ODAD2: variants seen among roughly 807,000 people sequenced by gnomAD.
The protein encoded by ODAD2 is outer dynein arm-docking complex subunit 2.
ODAD2 carries 89 observed loss-of-function variants against 106.8 expected under a neutral mutation model. The ratio of observed to expected loss-of-function variants is 0.83; its 90% CI spans 0.70 to 0.99. The LOEUF (loss-of-function observed/expected upper bound fraction) is 0.99, where lower values mean the gene tolerates loss of function less well. ODAD2 is among the 50% of genes least tolerant of loss of function. ODAD2 has a pLI of 0.00. For synonymous variants in ODAD2, 404 were observed against 436.2 expected, an observed-to-expected ratio of 0.93 and a Z score of 0.92; for missense variants, 1,168 against 1,238.5, an observed-to-expected ratio of 0.94 and a Z score of 0.85.
chr10:27,831,250 G>A (rs1263135224), intron 19 of ODAD2, among the ~76,000 whole-genome samples: 1 of 152,144 alleles, frequency 6.6e-6, no homozygotes, highest in African/African-American at 2.4e-5. Flanking sequence ...TAATTCAAAT[G>A]CTCTATGAAT....
chr10:27,915,205 C>T (rs928115165), intron 16 of ODAD2, among the ~76,000 whole-genome samples: 1 of 152,086 alleles, frequency 6.6e-6, no homozygotes, highest in Admixed American at 6.6e-5. Context: ...ATCTTAAAAG[C>T]AACCAAAGAA....
At chr10:27,951,040 T>G (rs1181222422) in intron 10 of ODAD2, among the ~76,000 whole-genome samples, 3 of 152,150 alleles carry the variant, frequency 2.0e-5, no homozygotes, top group Non-Finnish European at 4.4e-5. Context: ...AATAAAAATA[T>G]CTATGACTAA....
At position 27,878,702 on chromosome 10, in the gene ODAD2, G is replaced by A. The variant is rs189195977; in HGVS notation, c.2611-16080C>T. Among the ~76,000 whole-genome samples the A allele has an allele frequency of 1.6e-4, 24 of 152,020 alleles. No homozygotes were observed. In the South Asian group the frequency reaches 1.9e-3, roughly 12 times the overall value. ...CATGTCAGAGAAGTGAAAACTGAAC[G>A]GGCAAATCTTGTCGTCAAAAGTATA... On this transcript the variant is annotated intron_variant, in intron 17 of 19. Coordinates refer to ENST00000305242, the MANE Select transcript of ODAD2 (RefSeq NM_018076.5).
chr10:27,958,049 T>G, intron 10 of ODAD2, among the ~76,000 whole-genome samples: 1 of 152,254 alleles, frequency 6.6e-6, no homozygotes, highest in East Asian at 1.9e-4. Flanking sequence ...TGTGTCTCCA[T>G]ATAAAATATT....
chr10:27,992,099 A>G (rs1373835537), intron 2 of ODAD2, among the ~76,000 whole-genome samples: 7 of 152,210 alleles, frequency 4.6e-5, no homozygotes, highest in Non-Finnish European at 8.8e-5. Context: ...TGGATGTTAA[A>G]GCATCTGGTA....
At position 27,824,002 on chromosome 10, in the gene ODAD2, A is replaced by T. The variant is rs1343542836; in HGVS notation, c.3022-11377T>A. Among the ~76,000 whole-genome samples the T allele has an allele frequency of 2.9e-5, 4 of 137,892 alleles. 1 individual carries two copies. The highest frequency in any genetic ancestry group is 6.0e-5 in the Non-Finnish European group (4 of 66,632). The allele number at this position is 137,892 out of a possible 152,430, so 90.5% of individuals were successfully genotyped here. A position where few individuals can be genotyped will look rare whatever the true frequency, so the allele number is the denominator to read the frequency against. ...AAAAATACAAAAAATTAGCCGGGCGAGGTGGCGGGCGCCTGTAGTCCCAGC... is the reference window on the plus strand; with the variant it reads ...AAAAATACAAAAAATTAGCCGGGCGTGGTGGCGGGCGCCTGTAGTCCCAGC... On this transcript the variant is annotated intron_variant, in intron 19 of 19. Transcript: ENST00000305242.
At position 27,922,531 on chromosome 10, in the gene ODAD2, A is replaced by T. The variant is rs183770045; in HGVS notation, c.2495+12479T>A. 3.9e-3 allele frequency among the ~76,000 whole-genome samples: 591 copies of T among 152,298 alleles called. 3 individuals carry two copies. The highest frequency in any genetic ancestry group is 0.014 in the African/African-American group (575 of 41,574). On this transcript the variant is annotated intron_variant, in intron 16 of 19. Coordinates refer to ENST00000305242, the MANE Select transcript of ODAD2 (RefSeq NM_018076.5). The stretch of plus-strand genomic sequence containing the variant: ...AAATGGGAGGAAAAGGAAGGGAGAA[A>T]AAGAAAAATAGAATGATCCTATTGA...
Position 27,919,107 on chromosome 10 carries a change from T to C in ODAD2, c.2496-11330A>G, listed in dbSNP as rs560278309. Among the ~76,000 whole-genome samples the C allele has an allele frequency of 2.0e-5, 3 of 152,090 alleles. No homozygotes were observed. In the South Asian group the frequency reaches 6.2e-4, roughly 32 times the overall value. On this transcript the variant is annotated intron_variant, in intron 16 of 19. Transcript: ENST00000305242. ...ATTGGCAGTCTCAATATCATTAAGA[T>C]TTCCATTTTCCTTAAATTAGTTCAG... is the stretch of plus-strand genomic sequence containing the variant.
At position 27,940,651 on chromosome 10, in the gene ODAD2, C is replaced by T; in HGVS notation, c.1898G>A (p.Gly633Asp). The T allele has an allele frequency of 6.2e-7, 1 of 1,614,098 alleles. No homozygotes were observed. Among genetic ancestry groups the T allele is most frequent in the African/African-American group, 1.3e-5 (1 of 75,034 alleles). ...CAGCAGCCGAGCCAACAGAGGAATG[C>T]CCCCAGCTTTGCGGATGGCTTCTTT... ...TNKEAIRKAGGIPLLARLLKT... is the reference protein window; with the variant it reads ...TNKEAIRKAGDIPLLARLLKT... The change falls in exon 13 of 20, where the codon GGC becomes GAC. Residue 633 changes from glycine (G) to aspartate (D), a missense_variant. Around this residue, in one of 3 missense-constraint regions of ODAD2, gnomAD observed 701 missense variants for 712.3 expected, o/e 0.98. Transcript: ENST00000305242.
intron 16 of ODAD2, among the ~76,000 whole-genome samples, chr10:27,920,728 C>T (rs556089542): frequency 1.3e-5 from 2 of 152,012 alleles, no homozygotes; most frequent in East Asian, 1.9e-4. Flanking sequence ...TGAAAGGTCA[C>T]GAAGACTTGT....
At chr10:27,890,637 G>A (rs1842495021) in intron 17 of ODAD2, among the ~76,000 whole-genome samples, 1 of 152,028 alleles carries the variant, frequency 6.6e-6, no homozygotes, top group African/African-American at 2.4e-5. Flanking sequence ...GAGATAGGGA[G>A]GAGAAAGGAA....
intron 19 of ODAD2, among the ~76,000 whole-genome samples, chr10:27,854,408 T>C (rs1178962753): frequency 6.6e-6 from 1 of 152,234 alleles, no homozygotes; most frequent in African/African-American, 2.4e-5. Flanking sequence ...TGTACATGAA[T>C]GTTCGTAGCA....
At chr10:27,946,398 T>TTA (rs1183477544) in intron 10 of ODAD2, among the ~76,000 whole-genome samples, 2 of 151,752 alleles carry the variant, frequency 1.3e-5, no homozygotes, top group Non-Finnish European at 2.9e-5. Flanking sequence ...TTTTAAAAAT[T>TTA]TATATATAAT....
At chr10:27,926,400 G>A (rs1354974952) in intron 16 of ODAD2, among the ~76,000 whole-genome samples, 11 of 148,844 alleles carry the variant, frequency 7.4e-5, no homozygotes, top group Non-Finnish European at 7.4e-5. Flanking sequence ...TGGCAGAGGC[G>A]GAAAAAAAAA....
chr10:27,824,522 A>G (rs1207792513), intron 19 of ODAD2, among the ~76,000 whole-genome samples: 2 of 152,210 alleles, frequency 1.3e-5, no homozygotes, highest in Non-Finnish European at 1.5e-5. Flanking sequence ...CCCAGCCTCT[A>G]GAACTGTGAG....
At position 27,963,610 on chromosome 10, in the gene ODAD2, A is replaced by G. The variant is rs111749440; in HGVS notation, c.1239-1895T>C. ...ACTATTTTTCCCCCCACTGGACTTA[A>G]CTTGTTGCTAAGGCCTTATATGAAC... On this transcript the variant is annotated intron_variant, in intron 9 of 19. Transcript: ENST00000305242. Among the ~76,000 whole-genome samples the G allele has an allele frequency of 1.9e-3, 284 of 152,284 alleles. 1 individual carries two copies. The highest frequency in any genetic ancestry group is 6.5e-3 in the African/African-American group (269 of 41,564).
At chr10:27,908,515 A>T (rs1843756887) in intron 16 of ODAD2, among the ~76,000 whole-genome samples, 1 of 152,210 alleles carries the variant, frequency 6.6e-6, no homozygotes. Flanking sequence ...AAGAAGGCCA[A>T]ACAAAACTTA....
At chr10:27,847,606 C>A (rs541497885) in intron 19 of ODAD2, among the ~76,000 whole-genome samples, 1 of 151,922 alleles carries the variant, frequency 6.6e-6, no homozygotes, top group Non-Finnish European at 1.5e-5. Context: ...AAAGGGTATT[C>A]AATTAGGAAA....
chr10:27,987,486 G>C lies in ODAD2; in HGVS notation c.282C>G (p.Leu94=), dbSNP rs1357170029. The change falls in exon 3 of 20, where the codon CTC becomes CTG. Residue 94 remains leucine (L), a synonymous_variant. Transcript: ENST00000305242. ...TCCTAATTTTAATTTGTGGTACAGA[G>C]AGAAATAGCAAAGGCTGTCCATTTT... ...VDKNGQPLLF[L]SVPQIKIRSF... 3 of 1,613,482 alleles carry C rather than the reference G, an allele frequency of 1.9e-6. No homozygotes were observed. Among genetic ancestry groups the C allele is most frequent in the Admixed American group, 3.3e-5 (2 of 59,976 alleles).
Sources: gnomAD v4.1 joint callset for allele counts (sites outside exome capture counted in the v4.1 genomes callset) on GRCh38, gnomAD v4.1.1 for gene constraint, gnomAD v4.1.1 regional missense constraint, MANE v1.5 for transcripts, NCBI Gene and HGNC (gene_info 2026-07-23, HGNC 2026-07-21) for gene names.